Variants in PRMT8 observed in about 807,000 individuals in gnomAD.
PRMT8 encodes the protein protein arginine N-methyltransferase 8.
PRMT8 carries 7 observed loss-of-function variants against 47.1 expected under a neutral mutation model. That is an observed-to-expected ratio of 0.15 (90% CI 0.08 to 0.28). The LOEUF (loss-of-function observed/expected upper bound fraction) is 0.28. PRMT8 is among the 10% of genes least tolerant of loss of function. The pLI is 1.00. For synonymous variants in PRMT8, 188 were observed against 186.5 expected, an observed-to-expected ratio of 1.01 and a Z score of -0.07; for missense variants, 237 against 505.4, an observed-to-expected ratio of 0.47 and a Z score of 5.09.
chr12:3,568,536 G>A (rs1866775908), intron 4 of PRMT8, among the ~76,000 whole-genome samples, 170 bp from the exon 5 acceptor site: 1 of 152,214 alleles, frequency 6.6e-6, no homozygotes, highest in Non-Finnish European at 1.5e-5. Flanking sequence ...CATGCAGGTA[G>A]TTTTCAATTA....
At chr12:3,589,794 C>T (rs1867259981) in intron 8 of PRMT8, among the ~76,000 whole-genome samples, 1 of 152,120 alleles carries the variant, frequency 6.6e-6, no homozygotes, top group Admixed American at 6.5e-5. Flanking sequence ...AGAGGCAGAC[C>T]CCATGGCTGA....
At chr12:3,568,046 TG>T (rs1373564599) in intron 4 of PRMT8, among the ~76,000 whole-genome samples, 1 of 146,652 alleles carries the variant, frequency 6.8e-6, no homozygotes, top group Non-Finnish European at 1.5e-5. Context: ...CACTCCAGCC[TG>T]GGCAACAAGA....
intron 1 of PRMT8, among the ~76,000 whole-genome samples, chr12:3,429,401 G>T (rs1303931472): frequency 6.6e-6 from 1 of 152,014 alleles, no homozygotes; most frequent in African/African-American, 2.4e-5. Context: ...TTTCTAGTGG[G>T]GTGGGCCTAC....
At chr12:3,477,095 A>C (rs748638134) in intron 1 of PRMT8, among the ~76,000 whole-genome samples, 4 of 152,196 alleles carry the variant, frequency 2.6e-5, no homozygotes, top group Non-Finnish European at 5.9e-5. Flanking sequence ...GGTGATGAGA[A>C]CTGGGGGGCT....
At chr12:3,450,165 T>C (rs745636524) in intron 1 of PRMT8, among the ~76,000 whole-genome samples, 5 of 152,132 alleles carry the variant, frequency 3.3e-5, no homozygotes, top group Non-Finnish European at 7.3e-5. Flanking sequence ...ATATTCTTCT[T>C]TGATACTACA....
rs996427356 is a variant in PRMT8, at chr12:3,493,011, G to A, written c.75+1311G>A. ...CTTCTTCCCTCGAGTTCTTAACTCT[G>A]CGCTAAAACCCCTACCCCACGGCGT... On this transcript the variant is annotated intron_variant, in intron 1 of 9. Transcript: ENST00000382622. The surrounding 1 kb of genome is among the most constrained non-coding windows in gnomAD (Gnocchi z 8.2). Among the ~76,000 whole-genome samples, 24 of 152,226 alleles carry A rather than the reference G, an allele frequency of 1.6e-4. No homozygotes were observed. Among genetic ancestry groups the A allele is most frequent in the Middle Eastern group, 6.8e-3 (2 of 294 alleles).
intron 1 of PRMT8, among the ~76,000 whole-genome samples, chr12:3,528,381 T>G (rs1188500376): frequency 6.6e-6 from 1 of 152,226 alleles, no homozygotes; most frequent in Non-Finnish European, 1.5e-5. Flanking sequence ...TGGATGATCT[T>G]TATTGCCTTG....
intron 2 of PRMT8, among the ~76,000 whole-genome samples, chr12:3,543,878 A>T (rs1866279032): frequency 6.6e-6 from 1 of 151,792 alleles, no homozygotes; most frequent in Non-Finnish European, 1.5e-5. Context: ...AGGCTCCATG[A>T]CCTCCCAGAC....
At chr12:3,575,840 G>A (rs547119692) in intron 6 of PRMT8, among the ~76,000 whole-genome samples, 3 of 152,246 alleles carry the variant, frequency 2.0e-5, no homozygotes, top group Non-Finnish European at 2.9e-5. Flanking sequence ...CCAACATGGC[G>A]AAACCCCATC....
intron 1 of PRMT8, among the ~76,000 whole-genome samples, chr12:3,484,396 GAC>G (rs1348616119): frequency 6.6e-6 from 1 of 152,246 alleles, no homozygotes; most frequent in Admixed American, 6.5e-5. Context: ...GCTGCTAAAT[GAC>G]AGAGCTGGGA....
chr12:3,480,468 A>G (rs1865261896), intron 1 of PRMT8, among the ~76,000 whole-genome samples: 1 of 152,196 alleles, frequency 6.6e-6, no homozygotes, highest in Admixed American at 6.5e-5. Flanking sequence ...TTCTCACATT[A>G]TAGAGGAAGA....
At position 3,590,396 on chromosome 12, in the gene PRMT8, G is replaced by A. The variant is rs139364165; in HGVS notation, c.980-1835G>A. On this transcript the variant is annotated intron_variant, in intron 8 of 9. Transcript: ENST00000382622. ...TGAGTCAGTGCATGATCAAGCCCCA[G>A]TTGGCGCTGTGTGAACACCTGCCAG... Among the ~76,000 whole-genome samples the A allele has an allele frequency of 7.8e-4, 119 of 152,328 alleles. 1 individual carries two copies. Among genetic ancestry groups the A allele is most frequent in the African/African-American group, 2.7e-3 (113 of 41,568 alleles).
rs547673521 is a variant in PRMT8, at chr12:3,497,147, A to G, written c.75+5447A>G. Among the ~76,000 whole-genome samples, 18 of 152,216 alleles carry G rather than the reference A, an allele frequency of 1.2e-4. No homozygotes were observed. The South Asian group carries it at 1.4e-3, about 12-fold the overall frequency. ...GGAGTCTACTCTGCCAGCAGGGGGAAAATGGGCAGCCTGAAAATATGTGAA... is the reference window on the plus strand; with the variant it reads ...GGAGTCTACTCTGCCAGCAGGGGGAGAATGGGCAGCCTGAAAATATGTGAA... On this transcript the variant is annotated intron_variant, in intron 1 of 9. Transcript: ENST00000382622.
intron 1 of PRMT8, among the ~76,000 whole-genome samples, chr12:3,441,704 G>C (rs926101347): frequency 6.6e-6 from 1 of 152,232 alleles, no homozygotes; most frequent in East Asian, 1.9e-4. Context: ...GGTTCCATTA[G>C]GAGAGTTCAG....
At chr12:3,414,649 G>A (rs1057189360) in intron 1 of PRMT8, among the ~76,000 whole-genome samples, 2 of 152,098 alleles carry the variant, frequency 1.3e-5, no homozygotes, top group Non-Finnish European at 2.9e-5. Flanking sequence ...AAAGAATCAG[G>A]TCACACAAAT....
At chr12:3,448,077 T>C (rs1255768374) in intron 1 of PRMT8, among the ~76,000 whole-genome samples, 2 of 152,186 alleles carry the variant, frequency 1.3e-5, no homozygotes, top group Non-Finnish European at 2.9e-5. Flanking sequence ...TCTCACTTTA[T>C]CCTTTAACTC....
At chr12:3,402,411 CA>C (rs1864326659) in intron 1 of PRMT8, among the ~76,000 whole-genome samples, 1 of 152,136 alleles carries the variant, frequency 6.6e-6, no homozygotes, top group South Asian at 2.1e-4. Flanking sequence ...AGGACATAGG[CA>C]GGGGCAAAGA....
chr12:3,562,116 C>T (rs1172501129), intron 4 of PRMT8, among the ~76,000 whole-genome samples: 2 of 152,180 alleles, frequency 1.3e-5, no homozygotes, highest in African/African-American at 4.8e-5. Flanking sequence ...ACAACAGCAT[C>T]CGGTGGGCAC....
chr12:3,440,916 C>T (rs1269519221), intron 1 of PRMT8, among the ~76,000 whole-genome samples: 1 of 152,158 alleles, frequency 6.6e-6, no homozygotes, highest in Non-Finnish European at 1.5e-5. Context: ...CCTTAAACCC[C>T]CCAATTCTCT....
Sources: gnomAD v4.1 joint callset for allele counts (sites outside exome capture counted in the v4.1 genomes callset) on GRCh38, gnomAD v4.1.1 for gene constraint, Gnocchi (gnomAD v3.1) non-coding constraint, MANE v1.5 for transcripts, NCBI Gene and HGNC (gene_info 2026-07-23, HGNC 2026-07-21) for gene names.